The following ZNF609 variants were observed in gnomAD, a reference collection of about 807,000 sequenced individuals.
ZNF609 encodes the protein zinc finger protein 609.
Under a neutral mutation model 109.5 loss-of-function variants are expected in ZNF609, and 11 were observed. The observed-to-expected ratio is 0.10, with a 90% CI of 0.06 to 0.17. The LOEUF is 0.17. Among genes scored for constraint, ZNF609 ranks in the 10% least tolerant of loss-of-function variants. The pLI is 1.00. For missense variants in ZNF609, 1,559 were observed against 1,772.4 expected, an observed-to-expected ratio of 0.88 and a Z score of 2.16; for synonymous variants, 646 against 662.0, an observed-to-expected ratio of 0.98 and a Z score of 0.37.
At chr15:64,560,008 G>A (rs750675691) in intron 2 of ZNF609, among the ~76,000 whole-genome samples, 7 of 152,118 alleles carry the variant, frequency 4.6e-5, no homozygotes, top group Admixed American at 3.9e-4. Flanking sequence ...CCTCTGTCCA[G>A]TATCTAGAGT....
intron 1 of ZNF609, among the ~76,000 whole-genome samples, chr15:64,467,173 TC>T (rs1893027146): frequency 6.6e-6 from 1 of 152,220 alleles, no homozygotes; most frequent in African/African-American, 2.4e-5. Flanking sequence ...TTTTCTCTTG[TC>T]TCTGTGAGAA....
At chr15:64,489,182 T>G (rs1566996319) in intron 1 of ZNF609, among the ~76,000 whole-genome samples, 1 of 151,830 alleles carries the variant, frequency 6.6e-6, no homozygotes, top group East Asian at 1.9e-4. Flanking sequence ...TGTTTTTTTT[T>G]TTGTTTTTTT....
intron 9 of ZNF609, 105 bp from the exon 10 acceptor site, chr15:64,681,587 G>T (rs1444716314): frequency 2.3e-5 from 13 of 558,972 alleles, no homozygotes; most frequent in South Asian, 2.3e-4. Context: ...GTCCCCTAGG[G>T]ACCAGTACTG....
At chr15:64,550,839 GAAAAAAA>G (rs35566414) in intron 2 of ZNF609, among the ~76,000 whole-genome samples, 1 of 75,332 alleles carries the variant, frequency 1.3e-5, no homozygotes, top group Non-Finnish European at 3.1e-5. Context: ...TCTGTCTCGG[GAAAAAAA>G]AAAAAAAAAA....
chr15:64,620,881 T>C (rs991714374), intron 2 of ZNF609, among the ~76,000 whole-genome samples: 3 of 152,176 alleles, frequency 2.0e-5, no homozygotes, highest in African/African-American at 7.2e-5. Context: ...GTGTGTGTTG[T>C]GGGAGGGAAA....
intron 7 of ZNF609, 85 bp from the exon 8 acceptor site, chr15:64,680,561 T>TG: frequency 8.8e-7 from 1 of 1,132,822 alleles, no homozygotes; most frequent in East Asian, 2.5e-5. Context: ...GGCATCTCAC[T>TG]TGTGTGTGTG....
chr15:64,474,610 T>C (rs1407043814), intron 1 of ZNF609, among the ~76,000 whole-genome samples: 1 of 152,208 alleles, frequency 6.6e-6, no homozygotes. Flanking sequence ...ACAACTGCTG[T>C]ATTATAATTT....
chr15:64,584,264 C>T (rs1271871776), intron 2 of ZNF609, among the ~76,000 whole-genome samples: 1 of 152,086 alleles, frequency 6.6e-6, no homozygotes, highest in Non-Finnish European at 1.5e-5. Context: ...TTGACACCAG[C>T]CTGGGCAACA....
chr15:64,666,549 G>A (rs1027557618), intron 3 of ZNF609, among the ~76,000 whole-genome samples: 5 of 151,970 alleles, frequency 3.3e-5, no homozygotes, highest in African/African-American at 1.2e-4. Context: ...TGTCGCCGAG[G>A]CTGGAGTGCA....
rs975029642 is a variant in ZNF609 at position 64,563,168 on chromosome 15, G to A, written c.748-59659G>A. On this transcript the variant is annotated intron_variant, in intron 2 of 9. Transcript: ENST00000326648. ...AAAAAATAAAAACTAAAAAATTTTA[G>A]TCTGGGCATGGTGGCTCACACCTGT... Among the ~76,000 whole-genome samples, 4 of 150,982 alleles carry A rather than the reference G, an allele frequency of 2.6e-5. No homozygotes were observed. The South Asian group carries it at 6.3e-4, about 24-fold the overall frequency.
chr15:64,679,075 G>A (rs765313366), intron 6 of ZNF609, among the ~76,000 whole-genome samples: 3 of 152,130 alleles, frequency 2.0e-5, no homozygotes, highest in Non-Finnish European at 4.4e-5. Flanking sequence ...AATGTTTTTT[G>A]TTTGTTTGTT....
At chr15:64,546,804 T>C (rs1894371163) in intron 2 of ZNF609, among the ~76,000 whole-genome samples, 1 of 146,760 alleles carries the variant, frequency 6.8e-6, no homozygotes, top group South Asian at 2.2e-4. Context: ...TTTTTTTTTT[T>C]TTTTGAGACA....
chr15:64,642,222 C>A (rs1275212010), intron 3 of ZNF609, among the ~76,000 whole-genome samples: 1 of 152,128 alleles, frequency 6.6e-6, no homozygotes, highest in East Asian at 1.9e-4. Flanking sequence ...CTCGTTCTGT[C>A]ACCCAGGTTG....
Position 64,499,558 on chromosome 15 carries a change from C to G in ZNF609, c.139C>G (p.Gln47Glu), listed in dbSNP as rs1421945308. ...GGACGCCGATCTGGAAAAGGACCAG[C>G]AGAAACTGGAAATGTCAGGCTCAAA... ...DLDADLEKDQ[Q>E]KLEMSGSKEV... Residue 47 changes from glutamine to glutamate, a missense_variant, in exon 2 of 10, where the codon CAG (glutamine) becomes GAG (glutamate). Physicochemically the swap from Gln to Glu is conservative, Grantham distance 29. This residue lies in a region of ZNF609 where 291 missense variants were observed against 317.8 expected (regional missense o/e 0.92). Transcript: ENST00000326648. 1.2e-6 allele frequency: 2 copies of G among 1,614,024 alleles called. No individual in the cohort carries two copies. Among genetic ancestry groups the G allele is most frequent in the Non-Finnish European group, 1.7e-6 (2 of 1,180,038 alleles).
intron 3 of ZNF609, among the ~76,000 whole-genome samples, chr15:64,624,950 G>T (rs1273254774): frequency 6.6e-6 from 1 of 151,766 alleles, no homozygotes. Context: ...AGTAGAGATG[G>T]GGTTTCACCG....
chr15:64,475,241 C>A (rs1485602270), intron 1 of ZNF609, among the ~76,000 whole-genome samples: 1 of 151,562 alleles, frequency 6.6e-6, no homozygotes, highest in Non-Finnish European at 1.5e-5. Flanking sequence ...CCAAATCTAA[C>A]CATTCCTTCA....
intron 1 of ZNF609, among the ~76,000 whole-genome samples, chr15:64,471,074 C>A (rs375506590): frequency 6.6e-6 from 1 of 152,100 alleles, no homozygotes; most frequent in Non-Finnish European, 1.5e-5. Context: ...CTTAAAACAT[C>A]TGTTGGTCCA....
chr15:64,645,704 T>C (rs1189381955), intron 3 of ZNF609, among the ~76,000 whole-genome samples: 1 of 151,978 alleles, frequency 6.6e-6, no homozygotes, highest in Admixed American at 6.6e-5. Context: ...AACAACCTAA[T>C]TCAAAAATGC....
intron 3 of ZNF609, among the ~76,000 whole-genome samples, chr15:64,623,342 A>G (rs1400005964): frequency 6.6e-6 from 1 of 152,190 alleles, no homozygotes; most frequent in Non-Finnish European, 1.5e-5. Context: ...TCCATATTTT[A>G]TATGGGAGAG....
Sources: allele counts gnomAD v4.1 joint callset (sites outside exome capture counted in the v4.1 genomes callset), GRCh38; gene constraint gnomAD v4.1.1; regional missense constraint gnomAD v4.1.1; transcripts MANE v1.5; gene names NCBI Gene and HGNC (gene_info 2026-07-23, HGNC 2026-07-21).